ICAM5: variants seen among roughly 807,000 people sequenced by gnomAD.
The protein encoded by ICAM5 is intercellular adhesion molecule 5, also known as ICAM-5.
In ICAM5, 38 loss-of-function variants were observed where a neutral mutation model predicts 78.8. That is an observed-to-expected ratio of 0.48 (90% CI 0.37 to 0.63). The LOEUF (loss-of-function observed/expected upper bound fraction) is 0.63. Among genes scored for constraint, ICAM5 ranks in the 30% least tolerant of loss-of-function variants. The pLI, the probability that ICAM5 is intolerant of heterozygous loss-of-function variation, is 0.00. For missense variants in ICAM5, 1,059 were observed against 1,303.0 expected, an observed-to-expected ratio of 0.81 and a Z score of 2.88; for synonymous variants, 544 against 590.9, an observed-to-expected ratio of 0.92 and a Z score of 1.15.
intron 1 of ICAM5, 31 bp from the exon 2 acceptor site, chr19:10,291,041 C>A (rs2040166842): frequency 3.2e-6 from 5 of 1,584,556 alleles, no homozygotes; most frequent in Non-Finnish European, 4.3e-6. Flanking sequence ...GGAGTTGGCT[C>A]CCCAGGCTCA....
In ICAM5 at chr19:10,292,046, G is replaced by C; in HGVS notation, c.685G>C (p.Asp229His). The change falls in exon 4 of 11, where the codon GAT (aspartate) becomes CAT (histidine). Residue 229 changes from aspartate (D) to histidine (H), a missense_variant. Asp to His is a moderately conservative substitution (Grantham distance 81). Transcript: ENST00000221980. ...TCTTCGACCCCTAGCCCTGTCTCCGGATGCCCCGCGCCTCGCTGCTCCCCG... is the reference window on the plus strand; with the variant it reads ...TCTTCGACCCCTAGCCCTGTCTCCGCATGCCCCGCGCCTCGCTGCTCCCCG... ...RELRTFSLSP[D>H]APRLAAPRLL... is the part of the protein sequence containing the mutation. The C allele has an allele frequency of 6.2e-7, 1 of 1,611,916 alleles. No homozygotes were observed. The highest frequency in any genetic ancestry group is 8.5e-7 in the Non-Finnish European group (1 of 1,178,888).
Position 10,296,522 on chromosome 19 carries a change from C to A in ICAM5, c.2681C>A (p.Ala894Glu). The A allele has an allele frequency of 8.3e-7, 1 of 1,209,760 alleles. No individual in the cohort carries two copies. The highest frequency in any genetic ancestry group is 1.0e-6 in the Non-Finnish European group (1 of 958,704). The allele number at this position is 1,209,760 out of a possible 1,614,324, so 74.9% of individuals were successfully genotyped here. ...LNGAGGGAGG[A>E]AGAEGGPEAA... ...GGAGCGGGCGGCGGCGCTGGCGGGGCGGCAGGCGCGGAGGGCGGACCCGAG... is the reference window on the plus strand; with the variant it reads ...GGAGCGGGCGGCGGCGCTGGCGGGGAGGCAGGCGCGGAGGGCGGACCCGAG... Residue 894 changes from alanine (A) to glutamate (E), a missense_variant, in exon 11 of 11, where the codon GCG becomes GAG. This residue lies in a region of ICAM5 where 109 missense variants were observed against 120.0 expected (regional missense o/e 0.91). Coordinates refer to ENST00000221980, the MANE Select transcript of ICAM5 (RefSeq NM_003259.4).
In ICAM5 at chr19:10,293,300, GC is replaced by G. The variant is rs1599280330; in HGVS notation, c.1465+56del. 2.6e-6 allele frequency: 4 copies of G among 1,524,976 alleles called. No individual in the cohort carries two copies. In the African/African-American group the frequency reaches 5.5e-5, roughly 21 times the overall value. 94.5% of individuals were successfully genotyped at this position (1,524,976 alleles called of 1,614,324 possible). On this transcript the variant is annotated intron_variant, in intron 6 of 10. Transcript: ENST00000221980. The surrounding 1 kb of genome is among the most constrained non-coding windows in gnomAD (Gnocchi z 5.0). ...TATCTGGTTCAAGGTCTGGAGGGTG[GC>G]CAGCCTCCAGGGAAGAGTAGGAGTA...
In ICAM5 at chr19:10,291,662, G is replaced by T. The variant is rs768427761; in HGVS notation, c.526G>T (p.Ala176Ser). Residue 176 changes from alanine (A) to serine (S), a missense_variant, in exon 3 of 11, where the codon GCG (alanine) becomes TCG (serine). Transcript: ENST00000221980. ...CAGCTTCGCCGGTGAACCACCCCGAGCGCGGGGCGCGGTGCTCACAGCCAC... is the reference window on the plus strand; with the variant it reads ...CAGCTTCGCCGGTGAACCACCCCGATCGCGGGGCGCGGTGCTCACAGCCAC... ...RRSFAGEPPR[A>S]RGAVLTATVL... is the part of the protein sequence containing the mutation. The T allele has an allele frequency of 7.4e-6, 12 of 1,612,154 alleles. No individual in the cohort carries two copies. The South Asian group carries it at 1.2e-4, about 16-fold the overall frequency.
At position 10,290,105 on chromosome 19, in the gene ICAM5, T is replaced by C. The variant is rs865843956; in HGVS notation, c.62T>C (p.Leu21Pro). ...ALLGLWAALG[L>P]GLFGLSAVSQ... Reference sequence around the variant, plus strand: ...CTCGGCCTCTGGGCTGCTCTGGGCCTGGGGCTCTTCGGCCTCTCAGGTAAG... The same window carrying C: ...CTCGGCCTCTGGGCTGCTCTGGGCCCGGGGCTCTTCGGCCTCTCAGGTAAG... Residue 21 changes from leucine (L) to proline (P), a missense_variant, in exon 1 of 11, where the codon CTG becomes CCG. This residue lies in a region of ICAM5 where 815 missense variants were observed against 952.8 expected (regional missense o/e 0.86). Coordinates refer to ENST00000221980, the MANE Select transcript of ICAM5 (RefSeq NM_003259.4). The surrounding 1 kb of genome is among the most constrained non-coding windows in gnomAD (Gnocchi z 5.7). The C allele has an allele frequency of 6.5e-7, 1 of 1,535,746 alleles. No homozygotes were observed. Among genetic ancestry groups the C allele is most frequent in the Non-Finnish European group, 8.8e-7 (1 of 1,140,418 alleles).
Position 10,293,266 on chromosome 19 carries a change from G to C in ICAM5, c.1465+20G>C. The C allele has an allele frequency of 6.4e-7, 1 of 1,558,516 alleles. No individual in the cohort carries two copies. Among genetic ancestry groups the C allele is most frequent in the Non-Finnish European group, 8.7e-7 (1 of 1,150,416 alleles). On this transcript the variant is annotated intron_variant, in intron 6 of 10. Transcript: ENST00000221980. The surrounding 1 kb of genome is among the most constrained non-coding windows in gnomAD (Gnocchi z 5.0). ...TGGAGTGTGAGTGGGGGTGCGCAGGGTGCATTTCTATCTGGTTCAAGGTCT... is the reference window on the plus strand; with the variant it reads ...TGGAGTGTGAGTGGGGGTGCGCAGGCTGCATTTCTATCTGGTTCAAGGTCT...
chr19:10,291,975 A>T, intron 3 of ICAM5, 60 bp from the exon 4 acceptor site: 1 of 1,550,310 alleles, frequency 6.5e-7, no homozygotes, highest in Non-Finnish European at 8.8e-7. Flanking sequence ...AGTGCATGTC[A>T]AGTGCTTAGG....
rs1249932206 is a variant in ICAM5 at position 10,291,305 on chromosome 19, C to A, written c.316C>A (p.Arg106Ser). Residue 106 changes from arginine to serine, a missense_variant, in exon 2 of 11, where the codon CGC becomes AGC. By Grantham distance (110) the Arg-to-Ser change is moderately radical. This residue lies in a region of ICAM5 where 815 missense variants were observed against 952.8 expected (regional missense o/e 0.86). Transcript: ENST00000221980. ...CGTCTGCTTCTTCCGCTGCGCGCGG[C>A]GCACACTACAGGCGCGTGGGCTCAT... ...QPVCFFRCAR[R>S]TLQARGLIRT... is the part of the protein sequence containing the mutation. The A allele has an allele frequency of 1.2e-6, 2 of 1,612,414 alleles. No individual in the cohort carries two copies. Among genetic ancestry groups the A allele is most frequent in the Non-Finnish European group, 1.7e-6 (2 of 1,179,790 alleles).
chr19:10,295,609 G>A lies in ICAM5; in HGVS notation c.2494G>A (p.Ala832Thr), dbSNP rs1461561003. The change falls in exon 10 of 11, where the codon GCC becomes ACC. Residue 832 changes from alanine (A) to threonine (T), a missense_variant. Physicochemically the swap from Ala to Thr is moderately conservative, Grantham distance 58. This residue lies in a region of ICAM5 where 135 missense variants were observed against 230.2 expected (regional missense o/e 0.59). Coordinates refer to ENST00000221980, the MANE Select transcript of ICAM5 (RefSeq NM_003259.4). ...RHARRITVRV[A>T]GPWLWVAVGG... ...CGCGCGGCGCATCACGGTGCGCGTG[G>A]CCGGTAAGTGGCAGCTGGGGAGAGG... The A allele has an allele frequency of 1.3e-6, 2 of 1,539,364 alleles. No individual in the cohort carries two copies. Among genetic ancestry groups the A allele is most frequent in the Non-Finnish European group, 1.7e-6 (2 of 1,144,728 alleles).
chr19:10,294,017 G>A lies in ICAM5; in HGVS notation c.1712-23G>A, dbSNP rs371136676. ...GCTGGACTTCCTGGCCCCCGTGTGAGCCCCTGCAATCCTGTTTCCCAGATG... is the reference window on the plus strand; with the variant it reads ...GCTGGACTTCCTGGCCCCCGTGTGAACCCCTGCAATCCTGTTTCCCAGATG... On this transcript the variant is annotated intron_variant, in intron 7 of 10. Transcript: ENST00000221980. The surrounding 1 kb of genome is among the most constrained non-coding windows in gnomAD (Gnocchi z 7.7). The A allele has an allele frequency of 3.7e-5, 58 of 1,587,868 alleles. No individual in the cohort carries two copies. The African/African-American group carries it at 3.9e-4, about 11-fold the overall frequency.
In ICAM5 at chr19:10,292,438, C is replaced by T. The variant is rs556039606; in HGVS notation, c.961+116C>T. 3.7e-6 allele frequency: 5 copies of T among 1,352,572 alleles called. No individual in the cohort carries two copies. The East Asian group carries it at 1.3e-4, about 34-fold the overall frequency. 83.8% of individuals were successfully genotyped at this position (1,352,572 alleles called of 1,614,324 possible). ...AACAGGCGTGGCCCGAGGGGCGGGG[C>T]AGGTGGGGGCGGAGACGTAATCGCT... On this transcript the variant is annotated intron_variant, in intron 4 of 10. Coordinates refer to ENST00000221980, the MANE Select transcript of ICAM5 (RefSeq NM_003259.4).
In ICAM5 at chr19:10,294,512, G is replaced by T. The variant is rs770395003; in HGVS notation, c.2102G>T (p.Arg701Leu). ...AARGRPSPGV[R>L]CSREGIPWPE... ...CGGGGTCGCCCTTCCCCAGGAGTGC[G>T]CTGCTCTCGGGAAGGCATCCCATGG... Residue 701 changes from arginine to leucine, a missense_variant, in exon 9 of 11, where the codon CGC becomes CTC. Coordinates refer to ENST00000221980, the MANE Select transcript of ICAM5 (RefSeq NM_003259.4). This position sits in a 1 kb window ranked among gnomAD's most constrained non-coding sequence, Gnocchi z 7.7. The T allele has an allele frequency of 2.5e-6, 4 of 1,609,192 alleles. No homozygotes were observed. The highest frequency in any genetic ancestry group is 3.4e-6 in the Non-Finnish European group (4 of 1,177,010).
In ICAM5 at chr19:10,294,782, C is replaced by A. The variant is rs1299759416; in HGVS notation, c.2230+142C>A. The A allele has an allele frequency of 1.5e-6, 2 of 1,328,798 alleles. No individual in the cohort carries two copies. The highest frequency in any genetic ancestry group is 3.0e-5 in the African/African-American group (2 of 67,568). The allele number at this position is 1,328,798 out of a possible 1,614,324, so 82.3% of individuals were successfully genotyped here. ...CCTAAACCAGGGGGTAATGAAAATTCTAGCCAGGCGCAGTGGCTCAGGTCT... is the reference window on the plus strand; with the variant it reads ...CCTAAACCAGGGGGTAATGAAAATTATAGCCAGGCGCAGTGGCTCAGGTCT... On this transcript the variant is annotated intron_variant, in intron 9 of 10. Coordinates refer to ENST00000221980, the MANE Select transcript of ICAM5 (RefSeq NM_003259.4). The surrounding 1 kb of genome is among the most constrained non-coding windows in gnomAD (Gnocchi z 7.7).
In ICAM5 at chr19:10,290,860, G is replaced by T. The variant is rs2040165266; in HGVS notation, c.83-212G>T. On this transcript the variant is annotated intron_variant, in intron 1 of 10. Transcript: ENST00000221980. The surrounding 1 kb of genome is among the most constrained non-coding windows in gnomAD (Gnocchi z 5.7). Reference sequence around the variant, plus strand: ...GGCGCTTTGGAGACCATGGCTCTCTGCTACCACGTCCCAGAGACACCCTCG... The same window carrying T: ...GGCGCTTTGGAGACCATGGCTCTCTTCTACCACGTCCCAGAGACACCCTCG... 1.4e-5 allele frequency: 9 copies of T among 634,002 alleles called. No homozygotes were observed. Among genetic ancestry groups the T allele is most frequent in the Middle Eastern group, 8.5e-4 (2 of 2,344 alleles). The allele number at this position is 634,002 out of a possible 1,614,324, so 39.3% of individuals were successfully genotyped here. A position where few individuals can be genotyped will look rare whatever the true frequency, so the allele number is the denominator to read the frequency against.
rs911557872 is a variant in ICAM5, at chr19:10,296,695, C to T, written c.*79C>T. Reference sequence around the variant, plus strand: ...GCTTATTTATTGCTTTATTTATTTACTTATTCATTTATTTATGTATTCAAC... The same window carrying T: ...GCTTATTTATTGCTTTATTTATTTATTTATTCATTTATTTATGTATTCAAC... On this transcript the variant is annotated 3_prime_UTR_variant, in exon 11 of 11. Transcript: ENST00000221980. 1.4e-5 allele frequency: 16 copies of T among 1,129,470 alleles called. No individual in the cohort carries two copies. The highest frequency in any genetic ancestry group is 4.9e-5 in the African/African-American group (3 of 61,088). 70.0% of individuals were successfully genotyped at this position (1,129,470 alleles called of 1,614,324 possible). A position where few individuals can be genotyped will look rare whatever the true frequency, so the allele number is the denominator to read the frequency against.
Position 10,292,204 on chromosome 19 carries a change from A to G in ICAM5, c.843A>G (p.Ala281=), listed in dbSNP as rs1180760310. 3 of 1,613,106 alleles carry G rather than the reference A, an allele frequency of 1.9e-6. No homozygotes were observed. Among genetic ancestry groups the G allele is most frequent in the Non-Finnish European group, 2.5e-6 (3 of 1,180,010 alleles). Residue 281 remains alanine (A), a synonymous_variant, in exon 4 of 11, where the codon GCA becomes GCG. Coordinates refer to ENST00000221980, the MANE Select transcript of ICAM5 (RefSeq NM_003259.4). Reference sequence around the variant, plus strand: ...CTGATGTCACCCTCGAAGGGGACGCATTCGTGGCCACTGCCACAGCCACAG... The same window carrying G: ...CTGATGTCACCCTCGAAGGGGACGCGTTCGTGGCCACTGCCACAGCCACAG... The part of the protein sequence containing the change: ...LSPDVTLEGD[A]FVATATATAS...
Position 10,291,501 on chromosome 19 carries a change from G to A in ICAM5, c.365G>A (p.Arg122His), listed in dbSNP as rs1465341281. The change falls in exon 3 of 11, where the codon CGC becomes CAC. Residue 122 changes from arginine to histidine, a missense_variant. Around this residue, in one of 3 missense-constraint regions of ICAM5, gnomAD observed 815 missense variants for 952.8 expected, o/e 0.86. Transcript: ENST00000221980. ...GLIRTFQRPD[R>H]VELMPLPPWQ... ...TTCCCCCTTGCAGAGCGACCAGATC[G>A]CGTAGAGCTGATGCCGCTGCCTCCC... is the stretch of plus-strand genomic sequence containing the variant. The A allele has an allele frequency of 1.9e-6, 3 of 1,612,528 alleles. No homozygotes were observed. Among genetic ancestry groups the A allele is most frequent in the Non-Finnish European group, 2.5e-6 (3 of 1,179,936 alleles).
intron 10 of ICAM5, 40 bp downstream of exon 10, chr19:10,295,652 G>C: frequency 1.3e-6 from 2 of 1,516,188 alleles, no homozygotes; most frequent in Non-Finnish European, 1.8e-6. Flanking sequence ...AGGTATCTGA[G>C]AGGGGGCGTG....
Position 10,294,020 on chromosome 19 carries a change from C to G in ICAM5, c.1712-20C>G. 9 of 1,583,976 alleles carry G rather than the reference C, an allele frequency of 5.7e-6. No individual in the cohort carries two copies. Among genetic ancestry groups the G allele is most frequent in the Non-Finnish European group, 6.9e-6 (8 of 1,162,560 alleles). ...GGACTTCCTGGCCCCCGTGTGAGCC[C>G]CTGCAATCCTGTTTCCCAGATGGCC... On this transcript the variant is annotated intron_variant, in intron 7 of 10. Transcript: ENST00000221980. This position sits in a 1 kb window ranked among gnomAD's most constrained non-coding sequence, Gnocchi z 7.7.
Sources: gnomAD v4.1 joint callset for allele counts on GRCh38, gnomAD v4.1.1 for gene constraint, gnomAD v4.1.1 regional missense constraint, Gnocchi (gnomAD v3.1) non-coding constraint, MANE v1.5 for transcripts, NCBI Gene and HGNC (gene_info 2026-07-23, HGNC 2026-07-21) for gene names.